MUSK: variants seen among roughly 807,000 people sequenced by gnomAD.
MUSK encodes the protein muscle associated receptor tyrosine kinase, also known as muscle, skeletal receptor tyrosine-protein kinase.
MUSK carries 55 observed loss-of-function variants against 88.7 expected under a neutral mutation model. The observed-to-expected ratio is 0.62, with a 90% CI of 0.50 to 0.78. The LOEUF (loss-of-function observed/expected upper bound fraction) is 0.78, where lower values mean the gene tolerates loss of function less well. MUSK is among the 30% of genes least tolerant of loss of function. The probability of loss-of-function intolerance (pLI) is 0.00; values close to 1 mark genes in which losing one functional copy is unlikely to be tolerated. For synonymous variants in MUSK, 387 were observed against 391.9 expected (o/e 0.99, Z 0.15); for missense variants, 1,015 against 1,074.3 (o/e 0.94, Z 0.77).
At chr9:110,730,128 C>T (rs979032270) in intron 5 of MUSK, among the ~76,000 whole-genome samples, 3 of 152,012 alleles carry the variant, frequency 2.0e-5, no homozygotes, top group African/African-American at 7.2e-5. Context: ...AGTTAGCCTG[C>T]AAGTCTGCTC....
At chr9:110,747,934 C>G in intron 7 of MUSK, 134 bp downstream of exon 7, 1 of 1,222,462 alleles carries the variant, frequency 8.2e-7, no homozygotes, top group Non-Finnish European at 1.2e-6. Flanking sequence ...ATTTCCTCCC[C>G]CATGGGGATA....
Position 110,802,994 on chromosome 9 carries a change from A to G in MUSK, c.*2006A>G, listed in dbSNP as rs1328417074. On this transcript the variant is annotated 3_prime_UTR_variant, in exon 15 of 15. Coordinates refer to ENST00000374448, the MANE Select transcript of MUSK (RefSeq NM_005592.4). Reference sequence around the variant, plus strand: ...AAGTCAAGATGCCAACAAAGCAGAAAAGTTGGAGAGGGCCACCAGCAAGTC... The same window carrying G: ...AAGTCAAGATGCCAACAAAGCAGAAGAGTTGGAGAGGGCCACCAGCAAGTC... Among the ~76,000 whole-genome samples the G allele has an allele frequency of 1.8e-4, 28 of 152,220 alleles. No homozygotes were observed. The highest frequency in any genetic ancestry group is 7.3e-5 in the Non-Finnish European group (5 of 68,042).
intron 5 of MUSK, among the ~76,000 whole-genome samples, chr9:110,702,974 AT>A (rs2076551452): frequency 6.6e-6 from 1 of 152,094 alleles, no homozygotes; most frequent in Admixed American, 6.6e-5. Flanking sequence ...CACACAAAAC[AT>A]TGGTTCCAGG....
chr9:110,734,169 T>A (rs2076999363), intron 5 of MUSK, 82 bp from the exon 6 acceptor site: 1 of 1,450,316 alleles, frequency 6.9e-7, no homozygotes, highest in Non-Finnish European at 9.4e-7. Context: ...GGGAACATGG[T>A]CTAATTTGCA....
chr9:110,716,450 C>T (rs186590125), intron 5 of MUSK, among the ~76,000 whole-genome samples: 3 of 150,148 alleles, frequency 2.0e-5, no homozygotes, highest in East Asian at 1.9e-4. Context: ...GCAAGGATAA[C>T]TTAAACTGAG....
In MUSK at chr9:110,805,997, A is replaced by T. The variant is rs532976731; in HGVS notation, c.*5009A>T. ...AATAATTGTTATTTATGAAAGTAAT[A>T]CATAAAAATGTTGTTTAAAAAAACT... On this transcript the variant is annotated 3_prime_UTR_variant, in exon 15 of 15. Transcript: ENST00000374448. Among the ~76,000 whole-genome samples, 1 of 152,160 alleles carries T rather than the reference A, an allele frequency of 6.6e-6. No homozygotes were observed. The highest frequency in any genetic ancestry group is 2.4e-5 in the African/African-American group (1 of 41,566).
chr9:110,785,062 C>G, intron 12 of MUSK, 46 bp downstream of exon 12: 2 of 1,552,676 alleles, frequency 1.3e-6, no homozygotes, highest in Non-Finnish European at 1.8e-6. Context: ...TATTTTAAAG[C>G]CTTGTGTTTT....
intron 5 of MUSK, among the ~76,000 whole-genome samples, chr9:110,700,633 T>A (rs898383636): frequency 1.3e-5 from 2 of 152,068 alleles, no homozygotes; most frequent in Non-Finnish European, 2.9e-5. Context: ...AATATTGAAA[T>A]GTAAAAAAAT....
intron 1 of MUSK, among the ~76,000 whole-genome samples, chr9:110,679,246 G>A (rs1263027551): frequency 1.3e-5 from 2 of 151,700 alleles, no homozygotes; most frequent in Admixed American, 1.3e-4. Flanking sequence ...TTACTTTTGG[G>A]TTTGAGTCCA....
intron 5 of MUSK, among the ~76,000 whole-genome samples, chr9:110,716,710 A>C (rs1246162943): frequency 6.7e-6 from 1 of 150,030 alleles, no homozygotes; most frequent in African/African-American, 2.5e-5. Flanking sequence ...AATAGGCTTT[A>C]ATTTGGAGAA....
At chr9:110,751,950 A>G (rs1294622306) in intron 7 of MUSK, among the ~76,000 whole-genome samples, 3 of 152,208 alleles carry the variant, frequency 2.0e-5, no homozygotes, top group Non-Finnish European at 4.4e-5. Context: ...AGTGGATATG[A>G]TAAATGAGAA....
rs2078090127 is a variant in MUSK at position 110,801,004 on chromosome 9, A to G, written c.*16A>G. On this transcript the variant is annotated 3_prime_UTR_variant, in exon 15 of 15. Transcript: ENST00000374448. ...GAGTGTCTAAGGTTGAAGACGTTCAAATAAAATGCTGCAGTTTCCTCTCAG... is the reference window on the plus strand; with the variant it reads ...GAGTGTCTAAGGTTGAAGACGTTCAGATAAAATGCTGCAGTTTCCTCTCAG... 4 of 1,499,456 alleles carry G rather than the reference A, an allele frequency of 2.7e-6. No individual in the cohort carries two copies. In the East Asian group the frequency reaches 9.1e-5, roughly 34 times the overall value. 92.9% of individuals were successfully genotyped at this position (1,499,456 alleles called of 1,614,324 possible).
intron 5 of MUSK, among the ~76,000 whole-genome samples, chr9:110,730,146 A>T (rs956044615): frequency 1.3e-5 from 2 of 152,050 alleles, no homozygotes; most frequent in Admixed American, 6.6e-5. Context: ...CTCAAGAGAC[A>T]TTAAAGCCCC....
chr9:110,736,450 CAA>C (rs1291172552), intron 6 of MUSK, among the ~76,000 whole-genome samples: 4 of 152,024 alleles, frequency 2.6e-5, no homozygotes, highest in Non-Finnish European at 5.9e-5. Context: ...CATAACTAGA[CAA>C]AGTCTCTGAG....
chr9:110,705,901 A>G (rs1280556061), intron 5 of MUSK, among the ~76,000 whole-genome samples: 1 of 152,178 alleles, frequency 6.6e-6, no homozygotes. Flanking sequence ...TTATTGTCTG[A>G]TGTCACCAGA....
At chr9:110,677,359 C>A (rs945674040) in intron 1 of MUSK, among the ~76,000 whole-genome samples, 5 of 152,212 alleles carry the variant, frequency 3.3e-5, no homozygotes, top group Admixed American at 2.6e-4. Flanking sequence ...ATCAACATGA[C>A]CTCCTCATCA....
Position 110,800,928 on chromosome 9 carries a change from C to T in MUSK, c.2550C>T (p.Thr850=). Reference sequence around the variant, plus strand: ...TGCCTGCAGACAGACCCAGTTTCACCAGTATTCACCGAATTCTGGAACGCA... The same window carrying T: ...TGCCTGCAGACAGACCCAGTTTCACTAGTATTCACCGAATTCTGGAACGCA... ...SKLPADRPSF[T]SIHRILERMC... The change falls in exon 15 of 15, where the codon ACC becomes ACT. Residue 850 remains threonine (T), a synonymous_variant. Transcript: ENST00000374448. 1 of 1,531,152 alleles carries T rather than the reference C, an allele frequency of 6.5e-7. No homozygotes were observed. Among genetic ancestry groups the T allele is most frequent in the South Asian group, 1.3e-5 (1 of 76,276 alleles). 94.8% of individuals were successfully genotyped at this position (1,531,152 alleles called of 1,614,324 possible).
intron 5 of MUSK, among the ~76,000 whole-genome samples, chr9:110,700,178 G>A (rs1039526884): frequency 6.6e-6 from 1 of 152,196 alleles, no homozygotes; most frequent in African/African-American, 2.4e-5. Flanking sequence ...GATGTCCAAT[G>A]GGAAGGCTAA....
At chr9:110,760,519 A>T (rs1170555582) in intron 7 of MUSK, among the ~76,000 whole-genome samples, 1 of 152,130 alleles carries the variant, frequency 6.6e-6, no homozygotes, top group East Asian at 1.9e-4. Context: ...ATGAGAACAC[A>T]TGGACAGAAA....
Sources: gnomAD v4.1 joint callset for allele counts (sites outside exome capture counted in the v4.1 genomes callset) on GRCh38, gnomAD v4.1.1 for gene constraint, MANE v1.5 for transcripts, NCBI Gene and HGNC (gene_info 2026-07-23, HGNC 2026-07-21) for gene names.